The following FRMD6 variants were observed in gnomAD, a reference collection of about 807,000 sequenced individuals.
FRMD6 encodes the protein FERM domain containing 6.
FRMD6 carries 37 observed loss-of-function variants against 73.2 expected under a neutral mutation model. The observed-to-expected ratio is 0.51, with a 90% CI of 0.39 to 0.66. The LOEUF (loss-of-function observed/expected upper bound fraction) is 0.66, where lower values mean the gene tolerates loss of function less well. Among genes scored for constraint, FRMD6 ranks in the 30% least tolerant of loss-of-function variants. The pLI, the probability that FRMD6 is intolerant of heterozygous loss-of-function variation, is 0.00. For synonymous variants in FRMD6, 273 were observed against 282.2 expected (o/e 0.97, Z 0.33); for missense variants, 714 against 780.5 (o/e 0.91, Z 1.02).
At chr14:51,515,092 A>T (rs2140272764) in intron 1 of FRMD6, among the ~76,000 whole-genome samples, 1 of 152,238 alleles carries the variant, frequency 6.6e-6, no homozygotes, top group East Asian at 1.9e-4. Flanking sequence ...AGATTGTGCT[A>T]CAGGATGGAA....
At chr14:51,679,487 TC>T (rs1894646047) in intron 1 of FRMD6, among the ~76,000 whole-genome samples, 1 of 150,502 alleles carries the variant, frequency 6.6e-6, no homozygotes, top group African/African-American at 2.4e-5. Context: ...ATTTGTCGTT[TC>T]CCCCACCTTC....
chr14:51,664,028 A>G (rs960328787), intron 1 of FRMD6, among the ~76,000 whole-genome samples: 8 of 152,222 alleles, frequency 5.3e-5, no homozygotes, highest in Non-Finnish European at 1.2e-4. Flanking sequence ...TTTCCAACAC[A>G]TGAACTTTTG....
At chr14:51,466,754 C>G in the FRMD6 span, among the ~76,000 whole-genome samples, 1 of 152,182 alleles carries the variant, frequency 6.6e-6, no homozygotes. Flanking sequence ...CTATATGAAG[C>G]TTATCAATTT....
chr14:51,717,052 C>A (rs936747926), intron 10 of FRMD6, among the ~76,000 whole-genome samples: 22 of 152,276 alleles, frequency 1.4e-4, no homozygotes, highest in African/African-American at 4.8e-4. Context: ...GAATTAATGA[C>A]CTTCCTCTAT....
At chr14:51,575,393 C>A (rs1888347546) in intron 2 of FRMD6, among the ~76,000 whole-genome samples, 1 of 152,184 alleles carries the variant, frequency 6.6e-6, no homozygotes, top group Non-Finnish European at 1.5e-5. Context: ...AACATCAGGA[C>A]TTTGGATCTT....
Position 51,653,437 on chromosome 14 carries a change from TG to T in FRMD6, c.-147+1445del, listed in dbSNP as rs555509987. Reference sequence around the variant, plus strand: ...GATATTTCACAGCATCAAAACTTTGTGGGGAAAATTTTCCGTAATACATCTG... The same window carrying T: ...GATATTTCACAGCATCAAAACTTTGTGGGAAAATTTTCCGTAATACATCTG... On this transcript the variant is annotated intron_variant, in intron 1 of 13. Transcript: ENST00000344768. 6.8e-3 allele frequency among the ~76,000 whole-genome samples: 1,041 copies of T among 152,322 alleles called. 16 individuals carry two copies. The highest frequency in any genetic ancestry group is 0.024 in the African/African-American group (992 of 41,562).
At chr14:51,531,240 A>T (rs1423698288) in intron 1 of FRMD6, among the ~76,000 whole-genome samples, 3 of 152,226 alleles carry the variant, frequency 2.0e-5, no homozygotes, top group Non-Finnish European at 4.4e-5. Context: ...ATCACCAGTA[A>T]TAAGATATAT....
At chr14:51,545,411 C>T (rs748966855) in intron 1 of FRMD6, among the ~76,000 whole-genome samples, 5 of 152,002 alleles carry the variant, frequency 3.3e-5, no homozygotes, top group Admixed American at 1.3e-4. Context: ...ATCTGTCTTC[C>T]GATTTAGTTT....
At chr14:51,627,325 T>G (rs761852563) in intron 2 of FRMD6, among the ~76,000 whole-genome samples, 46 of 152,228 alleles carry the variant, frequency 3.0e-4, no homozygotes, top group Non-Finnish European at 6.0e-4. Flanking sequence ...TTATGTATGT[T>G]TGTGGATGAG....
rs1260882634 is a variant in FRMD6, at chr14:51,721,939, T to A, written c.1361-10T>A. On this transcript the variant is annotated splice_polypyrimidine_tract_variant and intron_variant, in intron 11 of 13. Transcript: ENST00000344768. ...TTGTCATTAACTATCTTTTCCTTCTTCTGTGTCAGAAATAGAGATGTTGGT... is the reference window on the plus strand; with the variant it reads ...TTGTCATTAACTATCTTTTCCTTCTACTGTGTCAGAAATAGAGATGTTGGT... 5 of 1,613,792 alleles carry A rather than the reference T, an allele frequency of 3.1e-6. No homozygotes were observed. Among genetic ancestry groups the A allele is most frequent in the Admixed American group, 1.7e-5 (1 of 60,000 alleles).
chr14:51,579,725 A>C (rs1397710666), intron 2 of FRMD6, among the ~76,000 whole-genome samples: 1 of 152,102 alleles, frequency 6.6e-6, no homozygotes, highest in Non-Finnish European at 1.5e-5. Flanking sequence ...TCAACTTGCC[A>C]GTGTATTCCT....
chr14:51,517,799 C>T (rs1200571442), intron 1 of FRMD6, among the ~76,000 whole-genome samples: 3 of 152,128 alleles, frequency 2.0e-5, no homozygotes, highest in Non-Finnish European at 4.4e-5. Context: ...TCTCCAAATA[C>T]AAGCTGGCTC....
At chr14:51,566,218 A>G (rs61969803) in intron 1 of FRMD6, among the ~76,000 whole-genome samples, 21,742 of 152,228 alleles carry the variant, frequency 0.14, 1,728 homozygotes, top group Non-Finnish European at 0.16. Context: ...AGTCAAATGA[A>G]CAAAGGAATG....
At chr14:51,530,193 G>T (rs1385572757) in intron 1 of FRMD6, among the ~76,000 whole-genome samples, 2 of 152,124 alleles carry the variant, frequency 1.3e-5, no homozygotes, top group African/African-American at 4.8e-5. Flanking sequence ...TGTTCTTGAA[G>T]TTACTCACAT....
At chr14:51,597,968 C>G (rs1225296831) in intron 2 of FRMD6, among the ~76,000 whole-genome samples, 1 of 152,040 alleles carries the variant, frequency 6.6e-6, no homozygotes, top group Non-Finnish European at 1.5e-5. Flanking sequence ...AGACGGCTGC[C>G]CCCCAACCAT....
At chr14:51,567,261 G>A (rs1443410428) in intron 1 of FRMD6, among the ~76,000 whole-genome samples, 3 of 152,158 alleles carry the variant, frequency 2.0e-5, no homozygotes, top group Non-Finnish European at 2.9e-5. Flanking sequence ...GTTTTGAAAC[G>A]AGTGAAGGTC....
the FRMD6 span, among the ~76,000 whole-genome samples, chr14:51,459,530 T>C: frequency 6.6e-6 from 1 of 152,158 alleles, no homozygotes; most frequent in Non-Finnish European, 1.5e-5. Context: ...TTTCTCCTTG[T>C]TTCAATTATA....
At chr14:51,416,252 C>A in the FRMD6 span, among the ~76,000 whole-genome samples, 1 of 152,258 alleles carries the variant, frequency 6.6e-6, no homozygotes, top group Non-Finnish European at 1.5e-5. Flanking sequence ...GTTAGGGTGT[C>A]AATTTTAGAT....
intron 1 of FRMD6, among the ~76,000 whole-genome samples, chr14:51,530,139 G>C (rs1885495842): frequency 6.6e-6 from 1 of 152,194 alleles, no homozygotes; most frequent in Non-Finnish European, 1.5e-5. Context: ...TAAATACTCA[G>C]TTAATCATTT....
Sources: gnomAD v4.1 joint callset for allele counts (sites outside exome capture counted in the v4.1 genomes callset) on GRCh38, gnomAD v4.1.1 for gene constraint, MANE v1.5 for transcripts, NCBI Gene and HGNC (gene_info 2026-07-23, HGNC 2026-07-21) for gene names.